The following PTPRN2 variants were observed in gnomAD, a reference collection of about 807,000 sequenced individuals.
The protein encoded by PTPRN2 is protein tyrosine phosphatase receptor type N2, also known as receptor-type tyrosine-protein phosphatase N2.
Under a neutral mutation model 118.8 loss-of-function variants are expected in PTPRN2, and 74 were observed. That is an observed-to-expected ratio of 0.62 (90% CI 0.52 to 0.76). The LOEUF (loss-of-function observed/expected upper bound fraction) is 0.76, where lower values mean the gene tolerates loss of function less well. Among genes scored for constraint, PTPRN2 ranks in the 30% least tolerant of loss-of-function variants. PTPRN2 has a pLI of 0.00. For missense variants in PTPRN2, 1,481 were observed against 1,394.4 expected (o/e 1.06, Z -0.99); for synonymous variants, 641 against 608.0 (o/e 1.05, Z -0.80).
intron 21 of PTPRN2, among the ~76,000 whole-genome samples, chr7:157,563,984 C>T (rs1205445812): frequency 2.0e-5 from 3 of 152,254 alleles, no homozygotes; most frequent in Non-Finnish European, 1.5e-5. Flanking sequence ...GCCCCTCTCG[C>T]TTCCCACAGG....
chr7:158,366,368 G>A lies in PTPRN2; in HGVS notation c.164-49436C>T, dbSNP rs555606603. ...CGGGAGAAGCCACAGCCCAATGCACGCGTGCAAACGCACACACACCCACAC... is the reference window on the plus strand; with the variant it reads ...CGGGAGAAGCCACAGCCCAATGCACACGTGCAAACGCACACACACCCACAC... On this transcript the variant is annotated intron_variant, in intron 2 of 22. Transcript: ENST00000389418. 2.7e-4 allele frequency among the ~76,000 whole-genome samples: 29 copies of A among 108,068 alleles called. No individual in the cohort carries two copies. In the South Asian group the frequency reaches 3.5e-3, roughly 13 times the overall value. 70.9% of individuals were successfully genotyped at this position (108,068 alleles called of 152,430 possible).
intron 1 of PTPRN2, among the ~76,000 whole-genome samples, chr7:158,557,649 T>A (rs866821690): frequency 3.3e-5 from 5 of 152,354 alleles, no homozygotes; most frequent in South Asian, 2.1e-4. Flanking sequence ...CATGTAGCTG[T>A]ATTTCTGGGC....
intron 14 of PTPRN2, among the ~76,000 whole-genome samples, chr7:157,636,414 A>G (rs1044123046): frequency 7.9e-5 from 12 of 152,246 alleles, no homozygotes; most frequent in Non-Finnish European, 1.6e-4. Context: ...GACAGTTAAA[A>G]AAAACAACAA....
At chr7:157,830,325 C>A (rs542197951) in intron 12 of PTPRN2, among the ~76,000 whole-genome samples, 1 of 152,356 alleles carries the variant, frequency 6.6e-6, no homozygotes, top group East Asian at 1.9e-4. Flanking sequence ...CAAGATACCC[C>A]TAAGTTCTCA....
intron 11 of PTPRN2, among the ~76,000 whole-genome samples, chr7:158,004,016 G>T (rs192964464): frequency 2.2e-3 from 329 of 152,284 alleles, no homozygotes; most frequent in African/African-American, 7.6e-3. Context: ...AGTTCCAGAA[G>T]ACTCCGGCTC....
In PTPRN2 at chr7:157,671,042, C is replaced by T. The variant is rs1039581717; in HGVS notation, c.2001+11683G>A. On this transcript the variant is annotated intron_variant, in intron 13 of 22. Coordinates refer to ENST00000389418, the MANE Select transcript of PTPRN2 (RefSeq NM_002847.5). This position sits in a 1 kb window ranked among gnomAD's most constrained non-coding sequence, Gnocchi z 4.1. ...GCGCGTAGGGAGGACTCCCCATGGG[C>T]GGGCAGGACTCTGGACCTGAGAATT... is the stretch of plus-strand genomic sequence containing the variant. Among the ~76,000 whole-genome samples the T allele has an allele frequency of 7.2e-5, 11 of 152,172 alleles. No individual in the cohort carries two copies. Among genetic ancestry groups the T allele is most frequent in the Admixed American group, 4.6e-4 (7 of 15,282 alleles).
intron 20 of PTPRN2, among the ~76,000 whole-genome samples, chr7:157,569,949 G>T (rs1184967163): frequency 6.6e-6 from 1 of 152,254 alleles, no homozygotes; most frequent in South Asian, 2.1e-4. Context: ...TTTCGGTTCT[G>T]CTTTCTATGC....
intron 2 of PTPRN2, among the ~76,000 whole-genome samples, chr7:158,420,979 C>T (rs1352602024): frequency 6.6e-6 from 1 of 152,192 alleles, no homozygotes; most frequent in African/African-American, 2.4e-5. Context: ...ATCACCTTCC[C>T]ATTCTTGATC....
In PTPRN2 at chr7:157,765,073, GCATCCATACCTCCATCCATCCAACCACC is replaced by G. The variant is rs1196044631; in HGVS notation, c.1789-82164_1789-82137del. On this transcript the variant is annotated intron_variant, in intron 12 of 22. Transcript: ENST00000389418. ...CCTCCATCCTTCCTCCATCATCCAT[GCATCCATACCTCCATCCATCCAACCACC>G]CATCCTTCCCCCATCCATCCACTCA... Among the ~76,000 whole-genome samples the G allele has an allele frequency of 3.0e-5, 4 of 135,088 alleles. No individual in the cohort carries two copies. In the East Asian group the frequency reaches 9.0e-4, roughly 30 times the overall value. 88.6% of individuals were successfully genotyped at this position (135,088 alleles called of 152,430 possible). A position where few individuals can be genotyped will look rare whatever the true frequency, so the allele number is the denominator to read the frequency against.
At chr7:158,449,625 A>G (rs1466136926) in intron 2 of PTPRN2, among the ~76,000 whole-genome samples, 1 of 152,238 alleles carries the variant, frequency 6.6e-6, no homozygotes, top group Non-Finnish European at 1.5e-5. Flanking sequence ...CTTAATTCAT[A>G]GTCAGGAACA....
In PTPRN2 at chr7:157,638,691, G is replaced by A. The variant is rs534227189; in HGVS notation, c.2197-17182C>T. 7.9e-5 allele frequency among the ~76,000 whole-genome samples: 12 copies of A among 152,348 alleles called. No homozygotes were observed. The South Asian group carries it at 1.9e-3, about 24-fold the overall frequency. On this transcript the variant is annotated intron_variant, in intron 14 of 22. Coordinates refer to ENST00000389418, the MANE Select transcript of PTPRN2 (RefSeq NM_002847.5). Reference sequence around the variant, plus strand: ...GGCATGGGGACCAAATGACATGCCCGCTGGCATTCCCAGGGTTTGGAGGGT... The same window carrying A: ...GGCATGGGGACCAAATGACATGCCCACTGGCATTCCCAGGGTTTGGAGGGT...
intron 1 of PTPRN2, among the ~76,000 whole-genome samples, chr7:158,508,887 C>T (rs955777112): frequency 3.6e-5 from 5 of 138,434 alleles, no homozygotes; most frequent in South Asian, 2.5e-4. Flanking sequence ...CTGTGGGTGT[C>T]GGGGCAACGT....
chr7:158,401,853 A>T (rs79151292), intron 2 of PTPRN2, among the ~76,000 whole-genome samples: 31 of 152,234 alleles, frequency 2.0e-4, no homozygotes, highest in Middle Eastern at 3.4e-3. Flanking sequence ...AGTGGAGGGA[A>T]GACAAAACGA....
intron 21 of PTPRN2, among the ~76,000 whole-genome samples, chr7:157,568,144 C>T (rs1462288207): frequency 2.0e-5 from 3 of 152,208 alleles, no homozygotes; most frequent in African/African-American, 7.2e-5. Context: ...AGTGATAAAC[C>T]TCATTGCTGG....
chr7:157,580,994 ACCTGCACACCCGAGCC>A (rs1385800932), intron 17 of PTPRN2, among the ~76,000 whole-genome samples: 15 of 90,626 alleles, frequency 1.7e-4, no homozygotes, highest in African/African-American at 5.8e-4. Context: ...ACACCCCAGC[ACCTGCACACCCGAGCC>A]CCTGCACACC....
In PTPRN2 at chr7:158,098,486, A is replaced by G. The variant is rs187171784; in HGVS notation, c.1643+12343T>C. On this transcript the variant is annotated intron_variant, in intron 10 of 22. Transcript: ENST00000389418. The stretch of plus-strand genomic sequence containing the variant: ...GGCAAAGCCCAGCCCTGCTCCCGGA[A>G]TGCGGAGAAGCCGTCCGTGCTCAGA... Among the ~76,000 whole-genome samples, 825 of 152,310 alleles carry G rather than the reference A, an allele frequency of 5.4e-3. 27 individuals carry two copies. The East Asian group carries it at 0.099, about 18-fold the overall frequency.
At chr7:158,358,010 T>C (rs1403118035) in intron 2 of PTPRN2, among the ~76,000 whole-genome samples, 1 of 152,254 alleles carries the variant, frequency 6.6e-6, no homozygotes, top group Non-Finnish European at 1.5e-5. Context: ...TCTGTCTCTC[T>C]CTTTTTCTCT....
intron 2 of PTPRN2, among the ~76,000 whole-genome samples, chr7:158,393,385 G>A (rs141371039): frequency 4.6e-5 from 7 of 152,202 alleles, no homozygotes; most frequent in East Asian, 1.9e-4. Flanking sequence ...CAGGGGGCAC[G>A]TCGGAGGGAC....
chr7:158,432,336 C>T (rs191193318), intron 2 of PTPRN2, among the ~76,000 whole-genome samples: 52 of 152,348 alleles, frequency 3.4e-4, no homozygotes, highest in African/African-American at 1.1e-3. Context: ...ATCCAAACCT[C>T]TCAAGCTAGG....
Sources: allele counts gnomAD v4.1 joint callset (sites outside exome capture counted in the v4.1 genomes callset), GRCh38; gene constraint gnomAD v4.1.1; non-coding constraint Gnocchi (gnomAD v3.1); transcripts MANE v1.5; gene names NCBI Gene and HGNC (gene_info 2026-07-23, HGNC 2026-07-21).